The following F2RL2 variants were observed in gnomAD, a reference collection of about 807,000 sequenced individuals.
F2RL2 encodes the protein coagulation factor II thrombin receptor like 2.
A neutral mutation model predicts 4.3 loss-of-function variants in F2RL2; 4 were observed. The observed-to-expected ratio is 0.93, with a 90% CI of 0.46 to 2.12. The LOEUF is 2.12. Among genes scored for constraint, F2RL2 ranks in the 30% most tolerant of loss-of-function variants. The probability of loss-of-function intolerance (pLI) is 0.02; values close to 1 mark genes in which losing one functional copy is unlikely to be tolerated. For synonymous variants in F2RL2, 166 were observed against 170.9 expected (o/e 0.97, Z 0.22); for missense variants, 408 against 449.3 (o/e 0.91, Z 0.83).
In F2RL2 at chr5:76,617,918, GAAGT is replaced by G; in HGVS notation, c.785_788del (p.Tyr262SerfsTer10). The G allele has an allele frequency of 6.2e-7, 1 of 1,614,098 alleles. No individual in the cohort carries two copies. On this transcript the variant is annotated frameshift_variant, in exon 2 of 2. Transcript: ENST00000296641. LOFTEE classifies it low-confidence loss of function (END_TRUNC). ...AGAATCCAAAGAATGCCAAGGAGATGAAGTAATAGAGTTGGAAGGGAGATGAGGA... is the reference window on the plus strand; with the variant it reads ...AGAATCCAAAGAATGCCAAGGAGATGAATAGAGTTGGAAGGGAGATGAGGA...
intron 1 of F2RL2, among the ~76,000 whole-genome samples, chr5:76,622,013 AC>A (rs1307768809): frequency 6.6e-6 from 1 of 152,154 alleles, no homozygotes; most frequent in Admixed American, 6.5e-5. Flanking sequence ...AGAGACAGAA[AC>A]TAAAAACCAT....
In F2RL2 at chr5:76,617,730, G is replaced by A. The variant is rs564895051; in HGVS notation, c.977C>T (p.Ala326Val). Residue 326 changes from alanine (A) to valine (V), a missense_variant, in exon 2 of 2, where the codon GCT (alanine) becomes GTT (valine). Transcript: ENST00000296641. ...ATCAGTGTTGTTGTAGTAGTAGTTA[G>A]CATGGTGAATAATAAGAATAATATT... ...PSNIILIIHHANYYYNNTDGL... is the reference protein window; with the variant it reads ...PSNIILIIHHVNYYYNNTDGL... 1.2e-6 allele frequency: 2 copies of A among 1,614,016 alleles called. No individual in the cohort carries two copies. The highest frequency in any genetic ancestry group is 2.7e-5 in the African/African-American group (2 of 75,012).
At chr5:76,621,963 A>G (rs1027991007) in intron 1 of F2RL2, among the ~76,000 whole-genome samples, 1 of 152,228 alleles carries the variant, frequency 6.6e-6, no homozygotes, top group Non-Finnish European at 1.5e-5. Flanking sequence ...TAGTTGAGCC[A>G]GTAAAGCCCC....
intron 1 of F2RL2, among the ~76,000 whole-genome samples, chr5:76,620,833 T>C (rs908389022): frequency 2.0e-5 from 3 of 152,190 alleles, no homozygotes; most frequent in Non-Finnish European, 2.9e-5. Flanking sequence ...CTTTAAAAGA[T>C]AGAAACACAT....
chr5:76,618,102 C>A lies in F2RL2; in HGVS notation c.605G>T (p.Arg202Leu). Residue 202 changes from arginine to leucine, a missense_variant, in exon 2 of 2, where the codon CGG becomes CTG. Transcript: ENST00000296641. ...GGCATAGGTGTGCTTGGGCAGGCCCCGGTAGGTGAAAGGATGGACGATGGC... is the reference window on the plus strand; with the variant it reads ...GGCATAGGTGTGCTTGGGCAGGCCCAGGTAGGTGAAAGGATGGACGATGGC... ...YLAIVHPFTY[R>L]GLPKHTYALV... The A allele has an allele frequency of 6.2e-7, 1 of 1,614,098 alleles. No individual in the cohort carries two copies. The highest frequency in any genetic ancestry group is 8.5e-7 in the Non-Finnish European group (1 of 1,180,016).
At position 76,615,788 on chromosome 5, in the gene F2RL2, T is replaced by C. The variant is rs1259885760; in HGVS notation, c.*1794A>G. On this transcript the variant is annotated 3_prime_UTR_variant, in exon 2 of 2. Coordinates refer to ENST00000296641, the MANE Select transcript of F2RL2 (RefSeq NM_004101.4). ...TTAATAACAAAATTCCATTTCCCCA[T>C]TAAAAGCTATGTCTAAGAAAAAAAA... The C allele has an allele frequency of 6.6e-6, 1 of 152,558 alleles. No homozygotes were observed. The highest frequency in any genetic ancestry group is 1.5e-5 in the Non-Finnish European group (1 of 68,030). 9.5% of individuals were successfully genotyped at this position (152,558 alleles called of 1,614,324 possible). A position where few individuals can be genotyped will look rare whatever the true frequency, so the allele number is the denominator to read the frequency against.
chr5:76,623,316 A>G lies in F2RL2; in HGVS notation c.-86T>C. 2.7e-6 allele frequency: 4 copies of G among 1,470,154 alleles called. No homozygotes were observed. The South Asian group carries it at 4.6e-5, about 17-fold the overall frequency. 91.1% of individuals were successfully genotyped at this position (1,470,154 alleles called of 1,614,324 possible). ...TTTCACCTCAGTTCCATGTGTCAGC[A>G]GCAAATGGAAGCCTTGGTCTGTCTG... is the stretch of plus-strand genomic sequence containing the variant. On this transcript the variant is annotated 5_prime_UTR_variant, in exon 1 of 2. Transcript: ENST00000296641.
rs1749221726 is a variant in F2RL2 at position 76,618,331 on chromosome 5, T to C, written c.376A>G (p.Ile126Val). ...TTGGTGTAGAATACAGTGGTACAGA[T>C]GGATCTGGTCCTGAAGAAAAGCATC... The part of the protein sequence containing the change: ...LWMLFFRTRS[I>V]CTTVFYTNLA... Residue 126 changes from isoleucine (I) to valine (V), a missense_variant, in exon 2 of 2, where the codon ATC becomes GTC. Transcript: ENST00000296641. 1.9e-6 allele frequency: 3 copies of C among 1,614,214 alleles called. No homozygotes were observed. The highest frequency in any genetic ancestry group is 2.5e-6 in the Non-Finnish European group (3 of 1,180,032).
intron 1 of F2RL2, among the ~76,000 whole-genome samples, chr5:76,620,940 T>C (rs1009834898): frequency 6.6e-6 from 1 of 152,230 alleles, no homozygotes; most frequent in Non-Finnish European, 1.5e-5. Flanking sequence ...AGCTCAAACC[T>C]GAACATTTAT....
Position 76,618,189 on chromosome 5 carries a change from A to C in F2RL2, c.518T>G (p.Phe173Cys). Reference sequence around the variant, plus strand: ...AATGGAGCAGTACATGTTGCCATAGAAGATGACTGTGGTGGCCCGGCACAG... The same window carrying C: ...AATGGAGCAGTACATGTTGCCATAGCAGATGACTGTGGTGGCCCGGCACAG... ...EVLCRATTVI[F>C]YGNMYCSILL... Residue 173 changes from phenylalanine (F) to cysteine (C), a missense_variant, in exon 2 of 2, where the codon TTC becomes TGC. Physicochemically the swap from Phe to Cys is radical, Grantham distance 205. Coordinates refer to ENST00000296641, the MANE Select transcript of F2RL2 (RefSeq NM_004101.4). The C allele has an allele frequency of 6.2e-7, 1 of 1,614,212 alleles. No individual in the cohort carries two copies. The highest frequency in any genetic ancestry group is 8.5e-7 in the Non-Finnish European group (1 of 1,180,038).
chr5:76,618,559 C>G lies in F2RL2; in HGVS notation c.148G>C (p.Glu50Gln). The G allele has an allele frequency of 6.2e-7, 1 of 1,614,100 alleles. No homozygotes were observed. Among genetic ancestry groups the G allele is most frequent in the Admixed American group, 1.7e-5 (1 of 60,024 alleles). The change falls in exon 2 of 2, where the codon GAG becomes CAG. Residue 50 changes from glutamate (E) to glutamine (Q), a missense_variant. By Grantham distance (29) the Glu-to-Gln change is conservative. Transcript: ENST00000296641. ...FRGAPPNSFE[E>Q]FPFSALEGWT... Reference sequence around the variant, plus strand: ...CCTTCCAAGGCAGAAAAGGGGAACTCTTCAAAAGAATTTGGGGGAGCTCCA... The same window carrying G: ...CCTTCCAAGGCAGAAAAGGGGAACTGTTCAAAAGAATTTGGGGGAGCTCCA...
At chr5:76,620,544 G>A (rs143558692) in intron 1 of F2RL2, among the ~76,000 whole-genome samples, 4 of 152,298 alleles carry the variant, frequency 2.6e-5, no homozygotes, top group African/African-American at 9.6e-5. Context: ...AGTTGCTGGT[G>A]GAATATTAGT....
chr5:76,622,462 A>C (rs140697446), intron 1 of F2RL2, among the ~76,000 whole-genome samples: 226 of 151,992 alleles, frequency 1.5e-3, no homozygotes, highest in African/African-American at 5.2e-3. Context: ...TGCCTCTCCC[A>C]CTCCTAACAA....
In F2RL2 at chr5:76,617,763, G is replaced by A. The variant is rs765779441; in HGVS notation, c.944C>T (p.Ala315Val). ...LILVIFTICF[A>V]PSNIILIIHH... ...AATAATAAGAATAATATTGCTTGGA[G>A]CAAAGCAAATGGTAAAAATCACAAG... Residue 315 changes from alanine (A) to valine (V), a missense_variant, in exon 2 of 2, where the codon GCT (alanine) becomes GTT (valine). By Grantham distance (64) the Ala-to-Val change is moderately conservative. Transcript: ENST00000296641. 8 of 1,613,572 alleles carry A rather than the reference G, an allele frequency of 5.0e-6. No homozygotes were observed. In the African/African-American group the frequency reaches 8.0e-5, roughly 16 times the overall value.
chr5:76,618,034 T>C lies in F2RL2; in HGVS notation c.673A>G (p.Met225Val). 2 of 1,614,062 alleles carry C rather than the reference T, an allele frequency of 1.2e-6. No homozygotes were observed. The highest frequency in any genetic ancestry group is 1.7e-6 in the Non-Finnish European group (2 of 1,180,006). The change falls in exon 2 of 2, where the codon ATG (methionine) becomes GTG (valine). Residue 225 changes from methionine to valine, a missense_variant. By Grantham distance (21) the Met-to-Val change is conservative. Coordinates refer to ENST00000296641, the MANE Select transcript of F2RL2 (RefSeq NM_004101.4). ...TGCTTCAGTATGAAAAATGGCAGCA[T>C]ATATAAGAAAACTGTTGCCCACACC... is the stretch of plus-strand genomic sequence containing the variant. ...GLVWATVFLY[M>V]LPFFILKQEY...
Position 76,620,671 on chromosome 5 carries a change from GAGT to G in F2RL2, c.65-2032_65-2030del, listed in dbSNP as rs1749564676. ...TGGAGGCTCTCGTTTAATTTAATGG[GAGT>G]GGTTGAGATGGCCTAGGGGGAGTTA... On this transcript the variant is annotated intron_variant, in intron 1 of 1. Coordinates refer to ENST00000296641, the MANE Select transcript of F2RL2 (RefSeq NM_004101.4). 2.0e-5 allele frequency among the ~76,000 whole-genome samples: 3 copies of G among 152,274 alleles called. No individual in the cohort carries two copies. In the East Asian group the frequency reaches 5.8e-4, roughly 29 times the overall value.
intron 1 of F2RL2, 56 bp downstream of exon 1, chr5:76,623,111 C>G: frequency 6.4e-7 from 1 of 1,554,478 alleles, no homozygotes; most frequent in Non-Finnish European, 8.9e-7. Flanking sequence ...TCAGTTGACT[C>G]TTAATTTGTA....
intron 1 of F2RL2, among the ~76,000 whole-genome samples, chr5:76,622,371 G>T (rs553323042): frequency 2.6e-4 from 39 of 152,226 alleles, no homozygotes; most frequent in African/African-American, 9.2e-4. Context: ...AACCGCTCAG[G>T]GATTCCAAAT....
intron 1 of F2RL2, among the ~76,000 whole-genome samples, chr5:76,622,053 A>G (rs916561858): frequency 6.6e-6 from 1 of 152,116 alleles, no homozygotes; most frequent in Non-Finnish European, 1.5e-5. Flanking sequence ...GCCTAAAACA[A>G]AACAAAACCA....
Sources: allele counts gnomAD v4.1 joint callset (sites outside exome capture counted in the v4.1 genomes callset), GRCh38; gene constraint gnomAD v4.1.1; transcripts MANE v1.5; gene names NCBI Gene and HGNC (gene_info 2026-07-23, HGNC 2026-07-21).